Variants in MTO1 observed in about 807,000 individuals in gnomAD.
MTO1 encodes the protein 5-taurinomethyluridine-[tRNA] synthase subunit MTO1, mitochondrial.
MTO1 carries 46 observed loss-of-function variants against 71.6 expected under a neutral mutation model. The ratio of observed to expected loss-of-function variants is 0.64; its 90% CI spans 0.51 to 0.82. The LOEUF (loss-of-function observed/expected upper bound fraction) is 0.82, where lower values mean the gene tolerates loss of function less well. Among genes scored for constraint, MTO1 ranks in the 40% least tolerant of loss-of-function variants. The pLI is 0.00. For synonymous variants in MTO1, 297 were observed against 312.1 expected, an observed-to-expected ratio of 0.95 and a Z score of 0.51; for missense variants, 773 against 867.5, an observed-to-expected ratio of 0.89 and a Z score of 1.37.
intron 6 of MTO1, 196 bp downstream of exon 6, chr6:73,480,322 G>C (rs1458949104): frequency 1.4e-6 from 1 of 730,788 alleles, no homozygotes; most frequent in Non-Finnish European, 2.4e-6. Context: ...GCCCAGGATG[G>C]AGTGCAATGG....
At chr6:73,494,108 A>G (rs980777950) in intron 10 of MTO1, among the ~76,000 whole-genome samples, 2 of 151,830 alleles carry the variant, frequency 1.3e-5, no homozygotes, top group Admixed American at 1.3e-4. Context: ...GGTGGCAGGC[A>G]CCTATAATCC....
intron 10 of MTO1, among the ~76,000 whole-genome samples, chr6:73,494,078 C>CA (rs1311172666): frequency 1.3e-5 from 2 of 151,580 alleles, no homozygotes; most frequent in Non-Finnish European, 2.9e-5. Context: ...ACTAAAAATA[C>CA]AAAAAAATTA....
chr6:73,475,584 G>A (rs549375392), intron 4 of MTO1, among the ~76,000 whole-genome samples: 1 of 150,130 alleles, frequency 6.7e-6, no homozygotes, highest in South Asian at 2.1e-4. Context: ...GCACAATCTC[G>A]GCTCACTGCA....
intron 10 of MTO1, among the ~76,000 whole-genome samples, chr6:73,494,516 G>A (rs62438384): frequency 1.4e-5 from 2 of 143,468 alleles, no homozygotes; most frequent in Admixed American, 1.5e-4. Context: ...TCGCTTTGTC[G>A]CCCAGGCTGG....
chr6:73,491,187 G>A (rs1393355741), intron 9 of MTO1, among the ~76,000 whole-genome samples: 5 of 152,020 alleles, frequency 3.3e-5, no homozygotes, highest in Admixed American at 6.6e-5. Flanking sequence ...TCCAGAGTGG[G>A]TAGTAGAAGC....
intron 11 of MTO1, among the ~76,000 whole-genome samples, chr6:73,498,424 T>C (rs1337316548): frequency 2.7e-5 from 4 of 150,328 alleles, no homozygotes; most frequent in Non-Finnish European, 1.5e-5. Flanking sequence ...AAGGAAACCA[T>C]ACTAGATTAA....
In MTO1 at chr6:73,479,931, T is replaced by C; in HGVS notation, c.939-5T>C. On this transcript the variant is annotated splice_polypyrimidine_tract_variant and splice_region_variant and intron_variant, in intron 5 of 11. Transcript: ENST00000498286. Reference sequence around the variant, plus strand: ...TTTCAAGTTTATTTAAATGTTCTATTCTAGATACTGTCCCTCCATTGAATC... The same window carrying C: ...TTTCAAGTTTATTTAAATGTTCTATCCTAGATACTGTCCCTCCATTGAATC... 10 of 1,611,522 alleles carry C rather than the reference T, an allele frequency of 6.2e-6. No individual in the cohort carries two copies. Among genetic ancestry groups the C allele is most frequent in the Non-Finnish European group, 8.5e-6 (10 of 1,178,418 alleles).
intron 4 of MTO1, among the ~76,000 whole-genome samples, chr6:73,477,391 C>T (rs1409274331): frequency 2.6e-4 from 8 of 31,304 alleles, no homozygotes; most frequent in African/African-American, 9.8e-4. Flanking sequence ...AAGACTATGT[C>T]TCAAAAAAAA....
intron 9 of MTO1, among the ~76,000 whole-genome samples, chr6:73,488,935 A>C (rs1264255493): frequency 6.6e-6 from 1 of 152,128 alleles, no homozygotes; most frequent in Admixed American, 6.6e-5. Context: ...CAACAACAAC[A>C]ACAACAAAAT....
intron 4 of MTO1, among the ~76,000 whole-genome samples, chr6:73,476,874 G>A (rs1030343261): frequency 2.7e-5 from 4 of 150,014 alleles, no homozygotes; most frequent in Non-Finnish European, 4.4e-5. Flanking sequence ...CTGCAATCTC[G>A]CCTTCTGAGT....
At chr6:73,472,878 C>CA (rs959113052) in intron 3 of MTO1, among the ~76,000 whole-genome samples, 2 of 152,074 alleles carry the variant, frequency 1.3e-5, no homozygotes, top group Non-Finnish European at 1.5e-5. Context: ...CTTGAAAAAA[C>CA]AAAAATATTA....
chr6:73,466,445 G>A (rs1207923853), intron 2 of MTO1, 37 bp downstream of exon 2: 1 of 1,613,090 alleles, frequency 6.2e-7, no homozygotes, highest in African/African-American at 1.3e-5. Context: ...AGATTATAGT[G>A]ATTGTTTAAT....
chr6:73,491,621 A>C (rs1330275082), intron 9 of MTO1, among the ~76,000 whole-genome samples: 1 of 152,226 alleles, frequency 6.6e-6, no homozygotes. Context: ...TGTAAAGTAC[A>C]TTCCAGTGCT....
rs12525146 is a variant in MTO1 at position 73,507,715 on chromosome 6, C to A, written c.*6980C>A. ...CATCCCGGCAGGGTGCGGTGGCTCA[C>A]GCCTGTAATCCCAACACTTTGGGAG... On this transcript the variant is annotated 3_prime_UTR_variant, in exon 12 of 12. Coordinates refer to ENST00000498286, the MANE Select transcript of MTO1 (RefSeq NM_012123.4). The A allele has an allele frequency of 0.17, 26,340 of 152,268 alleles. 2,462 individuals are homozygous for A. The highest frequency in any genetic ancestry group is 0.22 in the East Asian group (1,159 of 5,174). 9.4% of individuals were successfully genotyped at this position (152,268 alleles called of 1,614,324 possible).
At chr6:73,493,035 C>T (rs7741376) in intron 10 of MTO1, among the ~76,000 whole-genome samples, 85,400 of 135,254 alleles carry the variant, frequency 0.63, 27,615 homozygotes, top group South Asian at 0.72. Context: ...CTTCTTCTTG[C>T]CCAGGCTGGG....
chr6:73,482,670 T>C, intron 9 of MTO1, 50 bp downstream of exon 9: 5 of 1,448,036 alleles, frequency 3.5e-6, no homozygotes, highest in Non-Finnish European at 4.7e-6. Context: ...AAAAATAAGA[T>C]CATAAGATCA....
intron 9 of MTO1, among the ~76,000 whole-genome samples, chr6:73,487,412 G>A (rs977266153): frequency 1.3e-5 from 2 of 151,470 alleles, no homozygotes; most frequent in African/African-American, 2.4e-5. Context: ...GGCTGGTCTC[G>A]AACTCCTGAC....
At chr6:73,487,251 G>T (rs1771679269) in intron 9 of MTO1, among the ~76,000 whole-genome samples, 1 of 148,172 alleles carries the variant, frequency 6.7e-6, no homozygotes, top group African/African-American at 2.5e-5. Context: ...AGATTGGAGT[G>T]GCACAATTTC....
At chr6:73,480,861 C>G (rs1771469374) in intron 7 of MTO1, 56 bp downstream of exon 7, 3 of 1,553,964 alleles carry the variant, frequency 1.9e-6, no homozygotes, top group Non-Finnish European at 2.6e-6. Context: ...TGGTATTTCT[C>G]CTTTTAATGT....
Sources: gnomAD v4.1 joint callset for allele counts (sites outside exome capture counted in the v4.1 genomes callset) on GRCh38, gnomAD v4.1.1 for gene constraint, MANE v1.5 for transcripts, NCBI Gene and HGNC (gene_info 2026-07-23, HGNC 2026-07-21) for gene names.